PRDM2: variants seen among roughly 807,000 people sequenced by gnomAD.
The protein encoded by PRDM2 is PR domain zinc finger protein 2.
A neutral mutation model predicts 130.0 loss-of-function variants in PRDM2; 30 were observed. The ratio of observed to expected loss-of-function variants is 0.23; its 90% CI spans 0.17 to 0.31. The LOEUF is 0.31. PRDM2 is among the 10% of genes least tolerant of loss of function. PRDM2 has a pLI of 1.00. For missense variants in PRDM2, 2,011 were observed against 2,108.4 expected (o/e 0.95, Z 0.90); for synonymous variants, 871 against 782.4 (o/e 1.11, Z -1.89).
At chr1:13,717,075 T>C (rs1425403439) in intron 2 of PRDM2, among the ~76,000 whole-genome samples, 2 of 152,222 alleles carry the variant, frequency 1.3e-5, no homozygotes, top group Non-Finnish European at 2.9e-5. Context: ...TTCATTACTT[T>C]CTTTATCAGA....
intron 6 of PRDM2, among the ~76,000 whole-genome samples, chr1:13,758,008 C>T (rs1213605327): frequency 6.6e-6 from 1 of 152,034 alleles, no homozygotes; most frequent in Non-Finnish European, 1.5e-5. Flanking sequence ...TTGATTTCCT[C>T]ATTGTCTTTA....
intron 6 of PRDM2, among the ~76,000 whole-genome samples, chr1:13,755,505 T>A (rs114036986): frequency 0.015 from 2,228 of 152,304 alleles, 25 homozygotes; most frequent in South Asian, 0.036. Context: ...ATAAAAGAGG[T>A]AACAAGATCC....
chr1:13,708,641 A>G (rs1258666826), intron 1 of PRDM2, among the ~76,000 whole-genome samples: 2 of 152,192 alleles, frequency 1.3e-5, no homozygotes, highest in Non-Finnish European at 2.9e-5. Context: ...GAGGAAACTG[A>G]TCATTGAAAT....
intron 8 of PRDM2, chr1:13,787,520 A>T: frequency 2.0e-6 from 2 of 983,724 alleles, no homozygotes; most frequent in Non-Finnish European, 2.4e-6. Context: ...TTGTAGTTTA[A>T]TATTTGTTTG....
At chr1:13,765,707 T>A (rs1027392873) in intron 6 of PRDM2, among the ~76,000 whole-genome samples, 70 of 152,170 alleles carry the variant, frequency 4.6e-4, no homozygotes, top group Non-Finnish European at 1.0e-4. Flanking sequence ...CCTCGTGTTC[T>A]GCCTGCCTCG....
rs144289264 is a variant in PRDM2 at position 13,771,299 on chromosome 1, G to A, written c.512-1779G>A. Among the ~76,000 whole-genome samples the A allele has an allele frequency of 7.2e-5, 11 of 152,238 alleles. No homozygotes were observed. The South Asian group carries it at 1.0e-3, about 14-fold the overall frequency. ...CTTGTTATCACCAGAGTGTGGTCCC[G>A]GTGAAGTGTGTGCTCGTTTTTTGAG... On this transcript the variant is annotated intron_variant, in intron 6 of 9. Transcript: ENST00000311066. This position sits in a 1 kb window ranked among gnomAD's most constrained non-coding sequence, Gnocchi z 4.1.
chr1:13,749,941 G>T (rs1490537632), intron 6 of PRDM2, among the ~76,000 whole-genome samples: 2 of 152,146 alleles, frequency 1.3e-5, no homozygotes, highest in East Asian at 3.9e-4. Flanking sequence ...CGCAGGACGC[G>T]GGCCGCGTCG....
At chr1:13,738,788 G>A (rs1226218171) in intron 4 of PRDM2, 1 of 152,142 alleles carries the variant, frequency 6.6e-6, no homozygotes, top group African/African-American at 2.4e-5. Context: ...AAAGTAATCT[G>A]AGGAGTGAAG....
intron 8 of PRDM2, among the ~76,000 whole-genome samples, chr1:13,795,050 G>GA (rs1425360839): frequency 6.6e-6 from 1 of 152,100 alleles, no homozygotes; most frequent in African/African-American, 2.4e-5. Context: ...TTCAAAGTGA[G>GA]AAAAAAGATG....
intron 1 of PRDM2, among the ~76,000 whole-genome samples, chr1:13,711,360 A>G (rs1160840744): frequency 7.1e-6 from 1 of 139,972 alleles, no homozygotes; most frequent in Non-Finnish European, 1.5e-5. Context: ...TATTCCAAAC[A>G]TTTTTAGATG....
chr1:13,772,542 C>G (rs1644382325), intron 6 of PRDM2, among the ~76,000 whole-genome samples: 1 of 152,220 alleles, frequency 6.6e-6, no homozygotes, highest in Admixed American at 6.5e-5. Context: ...AATTACTCTG[C>G]ATTTGGTATT....
Position 13,731,155 on chromosome 1 carries a change from A to G in PRDM2, c.127+38A>G, listed in dbSNP as rs1347711759. The G allele has an allele frequency of 1.9e-6, 3 of 1,558,912 alleles. No individual in the cohort carries two copies. In the Admixed American group the frequency reaches 5.1e-5, roughly 27 times the overall value. The stretch of plus-strand genomic sequence containing the variant: ...CCTGTCACGGAGCAAGTCAGGCAGT[A>G]AAGAGCAGGTGGCAGTGAGGCTTCC... On this transcript the variant is annotated intron_variant, in intron 3 of 9. Coordinates refer to ENST00000311066, the MANE Select transcript of PRDM2 (RefSeq NM_001393986.1).
chr1:13,736,267 C>T (rs1643270045), intron 4 of PRDM2, among the ~76,000 whole-genome samples: 1 of 151,966 alleles, frequency 6.6e-6, no homozygotes, highest in Non-Finnish European at 1.5e-5. Context: ...CACTATGCCA[C>T]TATGTCCAGC....
chr1:13,768,037 A>G (rs948104065), intron 6 of PRDM2, among the ~76,000 whole-genome samples: 4 of 151,170 alleles, frequency 2.6e-5, no homozygotes, highest in African/African-American at 9.7e-5. Flanking sequence ...AGAAGTAACT[A>G]TTAAGAGAAA....
rs112581169 is a variant in PRDM2, at chr1:13,794,433, C to A, written c.5036+11602C>A. ...CTTTGATTTCTTCACTGCTGCGTTC[C>A]CAGCATCTATTAATAGAATGGAGCC... On this transcript the variant is annotated intron_variant, in intron 8 of 9. Coordinates refer to ENST00000311066, the MANE Select transcript of PRDM2 (RefSeq NM_001393986.1). Among the ~76,000 whole-genome samples, 624 of 152,294 alleles carry A rather than the reference C, an allele frequency of 4.1e-3. 4 individuals are homozygous for A. Among genetic ancestry groups the A allele is most frequent in the African/African-American group, 0.014 (586 of 41,556 alleles).
chr1:13,816,058 G>A (rs1443965600), intron 8 of PRDM2, among the ~76,000 whole-genome samples: 1 of 152,184 alleles, frequency 6.6e-6, no homozygotes, highest in East Asian at 1.9e-4. Context: ...AATCAGAGAA[G>A]GGCACAGCCG....
chr1:13,804,299 C>A (rs961759126), intron 8 of PRDM2, among the ~76,000 whole-genome samples: 1 of 152,078 alleles, frequency 6.6e-6, no homozygotes, highest in East Asian at 1.9e-4. Context: ...GGTGTCAAAC[C>A]TTTACCCCTG....
At chr1:13,728,698 A>G (rs1310921636) in intron 2 of PRDM2, among the ~76,000 whole-genome samples, 1 of 152,204 alleles carries the variant, frequency 6.6e-6, no homozygotes, top group African/African-American at 2.4e-5. Flanking sequence ...GGAATAAAGG[A>G]GTAATTTAAA....
chr1:13,795,276 A>G (rs993524656), intron 8 of PRDM2, among the ~76,000 whole-genome samples: 1 of 152,214 alleles, frequency 6.6e-6, no homozygotes, highest in Non-Finnish European at 1.5e-5. Context: ...AGGGCTTTCC[A>G]TGTATTACCT....
Sources: gnomAD v4.1 joint callset for allele counts (sites outside exome capture counted in the v4.1 genomes callset) on GRCh38, gnomAD v4.1.1 for gene constraint, Gnocchi (gnomAD v3.1) non-coding constraint, MANE v1.5 for transcripts, NCBI Gene and HGNC (gene_info 2026-07-23, HGNC 2026-07-21) for gene names.